The following RPP30 variants were observed in gnomAD, a reference collection of about 807,000 sequenced individuals.
RPP30 encodes ribonuclease P protein subunit p30.
Under a neutral mutation model 38.6 loss-of-function variants are expected in RPP30, and 36 were observed. That is an observed-to-expected ratio of 0.93 (90% confidence interval 0.71 to 1.23). RPP30 has a LOEUF of 1.23. RPP30 is among the 50% of genes most tolerant of loss of function. The probability of loss-of-function intolerance (pLI) is 0.00; values close to 1 mark genes in which losing one functional copy is unlikely to be tolerated. For missense variants in RPP30, 321 were observed against 321.7 expected (o/e 1.00, Z 0.02); for synonymous variants, 126 against 112.7 (o/e 1.12, Z -0.75).
intron 6 of RPP30, among the ~76,000 whole-genome samples, chr10:90,893,860 G>C (rs568081490): frequency 6.6e-6 from 1 of 152,184 alleles, no homozygotes; most frequent in Non-Finnish European, 1.5e-5. Context: ...GCTTTTGCAC[G>C]TAGTGGGCTT....
intron 5 of RPP30, among the ~76,000 whole-genome samples, chr10:90,884,322 A>C (rs1322681802): frequency 6.6e-6 from 1 of 152,218 alleles, no homozygotes; most frequent in Non-Finnish European, 1.5e-5. Flanking sequence ...AAATTTTGGT[A>C]GCCATTGCTA....
chr10:90,875,456 A>T lies in RPP30; in HGVS notation c.139-102A>T, dbSNP rs1846838793. 4.4e-6 allele frequency: 4 copies of T among 914,988 alleles called. No individual in the cohort carries two copies. The East Asian group carries it at 7.4e-5, about 17-fold the overall frequency. The allele number at this position is 914,988 out of a possible 1,614,324, so 56.7% of individuals were successfully genotyped here. On this transcript the variant is annotated intron_variant, in intron 2 of 10. Coordinates refer to ENST00000371703, the MANE Select transcript of RPP30 (RefSeq NM_006413.5). ...CAGAAATCACCTTGCTTTCTTTTTAAAAAAAATGCATATTTTTTCTGAGAA... is the reference window on the plus strand; with the variant it reads ...CAGAAATCACCTTGCTTTCTTTTTATAAAAAATGCATATTTTTTCTGAGAA...
downstream of RPP30, chr10:90,902,401 G>C (rs954608880): frequency 3.1e-6 from 1 of 318,480 alleles, no homozygotes; most frequent in Non-Finnish European, 6.4e-6. Context: ...GTATTTTTTT[G>C]TAGAGATGGG....
chr10:90,872,459 G>A (rs1846792623), intron 1 of RPP30, among the ~76,000 whole-genome samples: 1 of 152,152 alleles, frequency 6.6e-6, no homozygotes, highest in African/African-American at 2.4e-5. Context: ...TTGGGGCACG[G>A]ACAGGAAGCG....
chr10:90,903,352 G>A (rs1214087658), downstream of RPP30: 15 of 809,356 alleles, frequency 1.9e-5, no homozygotes, highest in Non-Finnish European at 2.7e-5. Flanking sequence ...TTTTTGCGAC[G>A]TCCCACCTTA....
At chr10:90,886,788 A>AT (rs1028546069) in intron 6 of RPP30, among the ~76,000 whole-genome samples, 2 of 152,086 alleles carry the variant, frequency 1.3e-5, no homozygotes, top group African/African-American at 2.4e-5. Context: ...CAGAAGATTA[A>AT]TTTTTTTTAA....
chr10:90,880,678 C>T (rs1168750004), intron 5 of RPP30, among the ~76,000 whole-genome samples: 1 of 152,166 alleles, frequency 6.6e-6, no homozygotes, highest in Non-Finnish European at 1.5e-5. Context: ...TGAGACTGTG[C>T]CACTGCACTC....
At chr10:90,872,135 G>A (rs746920869) in intron 1 of RPP30, 67 bp downstream of exon 1, 2 of 1,348,064 alleles carry the variant, frequency 1.5e-6, no homozygotes, top group Non-Finnish European at 2.1e-6. Flanking sequence ...ACACTCCGGA[G>A]TAACTATTTC....
intron 5 of RPP30, among the ~76,000 whole-genome samples, chr10:90,884,092 A>G (rs1846967758): frequency 6.6e-6 from 1 of 152,134 alleles, no homozygotes; most frequent in East Asian, 1.9e-4. Context: ...ATATAAAGGG[A>G]TCATAATTGA....
chr10:90,903,036 A>G (rs572683417), downstream of RPP30, among the ~76,000 whole-genome samples: 1 of 152,324 alleles, frequency 6.6e-6, no homozygotes, highest in East Asian at 1.9e-4. Flanking sequence ...ATTCCCGGGA[A>G]AACTAAGTCA....
intron 6 of RPP30, among the ~76,000 whole-genome samples, chr10:90,893,212 C>T (rs892006566): frequency 6.6e-6 from 1 of 152,034 alleles, no homozygotes; most frequent in Non-Finnish European, 1.5e-5. Context: ...AATCTGTGTT[C>T]GGGAGGGAAA....
chr10:90,885,060 A>G (rs1846980308), intron 5 of RPP30, among the ~76,000 whole-genome samples: 1 of 151,606 alleles, frequency 6.6e-6, no homozygotes, highest in South Asian at 2.1e-4. Context: ...TTCTTCCCTG[A>G]TTTTCCATTT....
chr10:90,905,666 T>G (rs1016606956), downstream of RPP30: 1 of 152,180 alleles, frequency 6.6e-6, no homozygotes, highest in Non-Finnish European at 1.5e-5. Flanking sequence ...GATGCTGAAC[T>G]TTCCTAGTCA....
chr10:90,902,955 T>C (rs1847219343), downstream of RPP30, among the ~76,000 whole-genome samples: 1 of 152,226 alleles, frequency 6.6e-6, no homozygotes, highest in African/African-American at 2.4e-5. Context: ...TTAAGGCAGC[T>C]GTGTTTAGCA....
At chr10:90,904,438 C>T (rs192949301), downstream of RPP30, among the ~76,000 whole-genome samples, 427 of 152,280 alleles carry the variant, frequency 2.8e-3, 2 homozygotes, top group Admixed American at 4.6e-3. Context: ...ATCTGTTCTC[C>T]CTACCTGTCA....
chr10:90,907,204 T>A (rs1847262956), downstream of RPP30, among the ~76,000 whole-genome samples: 1 of 152,190 alleles, frequency 6.6e-6, no homozygotes, highest in Non-Finnish European at 1.5e-5. Flanking sequence ...CACGTTGAAG[T>A]TATGCCACAT....
At chr10:90,878,061 A>G (rs1458599888) in intron 4 of RPP30, among the ~76,000 whole-genome samples, 2 of 152,204 alleles carry the variant, frequency 1.3e-5, no homozygotes, top group Non-Finnish European at 2.9e-5. Flanking sequence ...AGGTAGACAT[A>G]AATGGAGCTG....
At chr10:90,887,339 A>G (rs1847015680) in intron 6 of RPP30, among the ~76,000 whole-genome samples, 1 of 151,924 alleles carries the variant, frequency 6.6e-6, no homozygotes. Context: ...CTAAAAATAT[A>G]TCATCATATA....
downstream of RPP30, among the ~76,000 whole-genome samples, chr10:90,902,851 CAA>C (rs1297484481): frequency 6.6e-6 from 1 of 152,154 alleles, no homozygotes; most frequent in Non-Finnish European, 1.5e-5. Flanking sequence ...GGCCACACAC[CAA>C]AAGTCTGCCA....
Sources: allele counts gnomAD v4.1 joint callset (sites outside exome capture counted in the v4.1 genomes callset), GRCh38; gene constraint gnomAD v4.1.1; transcripts MANE v1.5; gene names NCBI Gene and HGNC (gene_info 2026-07-23, HGNC 2026-07-21).